MDFIC2: variants seen among roughly 807,000 people sequenced by gnomAD.
MDFIC2 encodes the protein myoD family inhibitor domain-containing protein 2.
At position 70,250,371 on chromosome 3, in the gene MDFIC2, T is replaced by C. The variant is rs1328504081; in HGVS notation, c.89-43581A>G. On this transcript the variant is annotated intron_variant, in intron 2 of 3. Coordinates refer to ENST00000567252, the MANE Select transcript of MDFIC2 (RefSeq NM_001364677.1). ...TGAGAAGTCATGCCCTGTGTTTTTATTGTTATTGACAATATTCGGTATTTT... is the reference window on the plus strand; with the variant it reads ...TGAGAAGTCATGCCCTGTGTTTTTACTGTTATTGACAATATTCGGTATTTT... 2.6e-5 allele frequency among the ~76,000 whole-genome samples: 4 copies of C among 151,934 alleles called. No individual in the cohort carries two copies. In the South Asian group the frequency reaches 8.3e-4, roughly 32 times the overall value.
At chr3:70,295,486 T>G (rs1488218520) in intron 2 of MDFIC2, among the ~76,000 whole-genome samples, 1 of 152,224 alleles carries the variant, frequency 6.6e-6, no homozygotes, top group South Asian at 2.1e-4. Context: ...GATAATCACT[T>G]GAGGCCAGGA....
chr3:70,285,590 G>T (rs1702153051), intron 2 of MDFIC2, among the ~76,000 whole-genome samples: 1 of 151,714 alleles, frequency 6.6e-6, no homozygotes. Context: ...GGATGGCTGT[G>T]TCAAATGGTA....
chr3:70,262,921 T>A (rs1171449706), intron 2 of MDFIC2, among the ~76,000 whole-genome samples: 1 of 152,244 alleles, frequency 6.6e-6, no homozygotes, highest in Non-Finnish European at 1.5e-5. Flanking sequence ...GGATAGTTTC[T>A]GTTGCTACAT....
chr3:70,206,091 C>G (rs929383582), intron 3 of MDFIC2, among the ~76,000 whole-genome samples: 1 of 151,890 alleles, frequency 6.6e-6, no homozygotes, highest in African/African-American at 2.4e-5. Flanking sequence ...CCAGGGGAAC[C>G]ACTCCTTTCT....
chr3:70,274,172 G>A (rs2106674720), intron 2 of MDFIC2, among the ~76,000 whole-genome samples: 1 of 151,784 alleles, frequency 6.6e-6, no homozygotes, highest in African/African-American at 2.4e-5. Context: ...TCATACATAT[G>A]TGTAGGGGGT....
chr3:70,202,899 A>T (rs919086699), intron 3 of MDFIC2, among the ~76,000 whole-genome samples: 1 of 152,076 alleles, frequency 6.6e-6, no homozygotes, highest in Non-Finnish European at 1.5e-5. Context: ...AAAAGGTGGC[A>T]ATCCAAGGAG....
At chr3:70,207,049 T>TG (rs1420992800) in intron 2 of MDFIC2, among the ~76,000 whole-genome samples, 2 of 142,522 alleles carry the variant, frequency 1.4e-5, no homozygotes, top group Non-Finnish European at 3.0e-5. Flanking sequence ...TTTTTTTTTT[T>TG]GGTAATAAGT....
At chr3:70,200,591 ACTCTCACAGCAAT>A (rs1701227610) in intron 3 of MDFIC2, among the ~76,000 whole-genome samples, 1 of 152,056 alleles carries the variant, frequency 6.6e-6, no homozygotes, top group Non-Finnish European at 1.5e-5. Flanking sequence ...CCTTGCTGAA[ACTCTCACAGCAAT>A]CTGTTTTATT....
chr3:70,248,568 G>A (rs1019266487), intron 2 of MDFIC2, among the ~76,000 whole-genome samples: 3 of 152,048 alleles, frequency 2.0e-5, no homozygotes, highest in Admixed American at 2.0e-4. Flanking sequence ...GTCAAATTTA[G>A]AAAGAGAATG....
intron 2 of MDFIC2, among the ~76,000 whole-genome samples, chr3:70,285,864 A>T (rs1303334953): frequency 6.6e-6 from 1 of 151,814 alleles, no homozygotes; most frequent in Non-Finnish European, 1.5e-5. Context: ...TTCTTTTGAG[A>T]AGTGTCTGTT....
intron 2 of MDFIC2, among the ~76,000 whole-genome samples, chr3:70,269,451 G>C (rs1701954515): frequency 6.6e-6 from 1 of 152,164 alleles, no homozygotes; most frequent in Non-Finnish European, 1.5e-5. Flanking sequence ...CCATGTTCAA[G>C]TAAGGCAAAT....
chr3:70,301,126 A>G (rs916593645), intron 2 of MDFIC2, among the ~76,000 whole-genome samples: 3 of 152,136 alleles, frequency 2.0e-5, no homozygotes, highest in Non-Finnish European at 4.4e-5. Context: ...TATTTACACA[A>G]AAGTTCTTTT....
At chr3:70,311,405 A>G (rs544068606) in intron 2 of MDFIC2, among the ~76,000 whole-genome samples, 1 of 152,358 alleles carries the variant, frequency 6.6e-6, no homozygotes, top group South Asian at 2.1e-4. Flanking sequence ...CATTTTACGC[A>G]TGCGGAGCCC....
chr3:70,211,461 C>T (rs199562019), intron 2 of MDFIC2, among the ~76,000 whole-genome samples: 3 of 18,512 alleles, frequency 1.6e-4, no homozygotes, highest in South Asian at 4.3e-3. Context: ...CTTCCCTTCC[C>T]TTTGCCCTTC....
chr3:70,268,358 G>C (rs1379932373), intron 2 of MDFIC2, among the ~76,000 whole-genome samples: 1 of 151,458 alleles, frequency 6.6e-6, no homozygotes, highest in Non-Finnish European at 1.5e-5. Context: ...ACCTGTAGTC[G>C]TAGCTACTTG....
chr3:70,311,630 T>C (rs985543932), intron 2 of MDFIC2, among the ~76,000 whole-genome samples: 1 of 152,040 alleles, frequency 6.6e-6, no homozygotes, highest in African/African-American at 2.4e-5. Flanking sequence ...GAGTAGAAAA[T>C]GCATATTAAG....
intron 3 of MDFIC2, among the ~76,000 whole-genome samples, chr3:70,203,156 C>A (rs1017260329): frequency 6.6e-6 from 1 of 152,086 alleles, no homozygotes; most frequent in Non-Finnish European, 1.5e-5. Flanking sequence ...CACAATCCCT[C>A]CTCATCCTCC....
At chr3:70,252,243 T>C (rs1701776178) in intron 2 of MDFIC2, among the ~76,000 whole-genome samples, 1 of 152,182 alleles carries the variant, frequency 6.6e-6, no homozygotes, top group South Asian at 2.1e-4. Context: ...TCAGTGGAAT[T>C]CTTATCCAAT....
intron 2 of MDFIC2, among the ~76,000 whole-genome samples, chr3:70,241,229 A>T (rs1701665490): frequency 6.6e-6 from 1 of 151,848 alleles, no homozygotes; most frequent in African/African-American, 2.4e-5. Context: ...CTACTTTAAA[A>T]CTCCACTCTT....
Sources: allele counts gnomAD v4.1 joint callset (sites outside exome capture counted in the v4.1 genomes callset), GRCh38; gene constraint gnomAD v4.1.1; transcripts MANE v1.5; gene names NCBI Gene and HGNC (gene_info 2026-07-23, HGNC 2026-07-21).